The following SERPIND1 variants were observed in gnomAD, a reference collection of about 807,000 sequenced individuals.
The protein encoded by SERPIND1 is serpin family D member 1, also known as heparin cofactor 2.
Under a neutral mutation model 35.0 loss-of-function variants are expected in SERPIND1, and 34 were observed. That is an observed-to-expected ratio of 0.97 (90% confidence interval 0.74 to 1.29). SERPIND1 has a LOEUF of 1.29. SERPIND1 is among the 50% of genes most tolerant of loss of function. SERPIND1 has a pLI of 0.00. For synonymous variants in SERPIND1, 236 were observed against 241.1 expected, an observed-to-expected ratio of 0.98 and a Z score of 0.19; for missense variants, 633 against 637.7, an observed-to-expected ratio of 0.99 and a Z score of 0.08.
intron 2 of SERPIND1, among the ~76,000 whole-genome samples, chr22:20,781,876 T>C (rs187882965): frequency 1.3e-5 from 2 of 152,330 alleles, no homozygotes; most frequent in African/African-American, 2.4e-5. Flanking sequence ...TCAGTTTCCT[T>C]ATCTTTATCA....
intron 2 of SERPIND1, among the ~76,000 whole-genome samples, chr22:20,781,029 T>C (rs936044795): frequency 3.3e-5 from 5 of 152,224 alleles, no homozygotes; most frequent in East Asian, 1.9e-4. Context: ...GCAGCTGACA[T>C]TGACACCTAC....
rs1290569315 is a variant in SERPIND1 at position 20,787,274 on chromosome 22, A to G, written c.*208A>G. 6.6e-6 allele frequency: 4 copies of G among 602,190 alleles called. No homozygotes were observed. The highest frequency in any genetic ancestry group is 8.9e-6 in the Non-Finnish European group (3 of 337,134). 37.3% of individuals were successfully genotyped at this position (602,190 alleles called of 1,614,324 possible). On this transcript the variant is annotated 3_prime_UTR_variant, in exon 5 of 5. Transcript: ENST00000215727. ...ACAATAGCCCATGCTGTAAGCTCATAGAAGTCACTGTAACTGTAGTGTGTC... is the reference window on the plus strand; with the variant it reads ...ACAATAGCCCATGCTGTAAGCTCATGGAAGTCACTGTAACTGTAGTGTGTC...
At chr22:20,778,264 GCT>G (rs1362381544) in intron 1 of SERPIND1, among the ~76,000 whole-genome samples, 5 of 152,122 alleles carry the variant, frequency 3.3e-5, no homozygotes, top group African/African-American at 1.2e-4. Context: ...ACTTTGGGGG[GCT>G]GAGGTGGGTG....
intron 1 of SERPIND1, among the ~76,000 whole-genome samples, chr22:20,774,831 G>C (rs1480908991): frequency 1.3e-5 from 2 of 151,880 alleles, no homozygotes; most frequent in African/African-American, 4.8e-5. Flanking sequence ...ACTCTCAAAT[G>C]GTCTAGAAGA....
At chr22:20,781,727 G>A (rs1294380914) in intron 2 of SERPIND1, among the ~76,000 whole-genome samples, 3 of 152,238 alleles carry the variant, frequency 2.0e-5, no homozygotes, top group South Asian at 4.1e-4. Context: ...GAGACCACAT[G>A]TACATGATGA....
In SERPIND1 at chr22:20,777,956, A is replaced by G. The variant is rs193048902; in HGVS notation, c.-16-1341A>G. Among the ~76,000 whole-genome samples, 259 of 152,300 alleles carry G rather than the reference A, an allele frequency of 1.7e-3. 2 individuals are homozygous for G. Among genetic ancestry groups the G allele is most frequent in the African/African-American group, 6.0e-3 (249 of 41,562 alleles). On this transcript the variant is annotated intron_variant, in intron 1 of 4. Transcript: ENST00000215727. Reference sequence around the variant, plus strand: ...TACTTAAATAAAGGGAGTGCCCCTCAGGTCTTGAGTAAGAGCTTGCTGACA... The same window carrying G: ...TACTTAAATAAAGGGAGTGCCCCTCGGGTCTTGAGTAAGAGCTTGCTGACA...
At chr22:20,784,374 C>A in intron 3 of SERPIND1, 129 bp downstream of exon 3, 3 of 1,253,916 alleles carry the variant, frequency 2.4e-6, no homozygotes, top group South Asian at 1.3e-5. Context: ...CCATACAGGG[C>A]CACTCTGTTA....
At chr22:20,778,541 C>T (rs1461068024) in intron 1 of SERPIND1, among the ~76,000 whole-genome samples, 2 of 151,980 alleles carry the variant, frequency 1.3e-5, no homozygotes, top group African/African-American at 4.8e-5. Flanking sequence ...ACAACAACAA[C>T]AACAAAAAAA....
rs763160949 is a variant in SERPIND1 at position 20,786,025 on chromosome 22, G to A, written c.1185G>A (p.Pro395=). 9.3e-6 allele frequency: 15 copies of A among 1,614,014 alleles called. No individual in the cohort carries two copies. Among genetic ancestry groups the A allele is most frequent in the Admixed American group, 3.3e-5 (2 of 60,004 alleles). The change falls in exon 4 of 5, where the codon CCG becomes CCA. Residue 395 remains proline, a synonymous_variant. Transcript: ENST00000215727. The part of the protein sequence containing the change: ...MTNRTREVLL[P]KFKLEKNYNL... ...CTAGAACTCGAGAAGTGCTTCTGCC[G>A]AAATTCAAGCTGGAGAAGAACTACA...
At position 20,786,892 on chromosome 22, in the gene SERPIND1, G is replaced by T; in HGVS notation, c.1326G>T (p.Thr442=). The T allele has an allele frequency of 6.2e-7, 1 of 1,614,148 alleles. No homozygotes were observed. Among genetic ancestry groups the T allele is most frequent in the Non-Finnish European group, 8.5e-7 (1 of 1,180,034 alleles). Residue 442 remains threonine (T), a synonymous_variant, in exon 5 of 5, where the codon ACG becomes ACT. Transcript: ENST00000215727. ...CCAAACAGTTCAAGCACCAAGGCACGATCACAGTGAACGAGGAAGGCACCC... is the reference window on the plus strand; with the variant it reads ...CCAAACAGTTCAAGCACCAAGGCACTATCACAGTGAACGAGGAAGGCACCC... ...IAIDLFKHQG[T]ITVNEEGTQA...
At chr22:20,786,300 C>A (rs749918730) in intron 4 of SERPIND1, 152 bp downstream of exon 4, 24 of 879,912 alleles carry the variant, frequency 2.7e-5, no homozygotes, top group Non-Finnish European at 4.2e-5. Context: ...ACACAGAATG[C>A]CTAGTTTCAT....
intron 1 of SERPIND1, among the ~76,000 whole-genome samples, chr22:20,774,634 G>A (rs1181751649): frequency 4.6e-5 from 7 of 151,964 alleles, no homozygotes; most frequent in South Asian, 2.1e-4. Context: ...GGTGGCACGC[G>A]CCTGTAATCC....
In SERPIND1 at chr22:20,779,321, C is replaced by G; in HGVS notation, c.9C>G (p.His3Gln). Residue 3 changes from histidine (H) to glutamine (Q), a missense_variant, in exon 2 of 5, where the codon CAC becomes CAG. By Grantham distance (24) the His-to-Gln change is conservative (BLOSUM62 0). Transcript: ENST00000215727. MK[H>Q]SLNALLIFLI... ...GCTTTAGCTCCGCCAAAATGAAACACTCATTAAACGCACTTCTCATTTTCC... is the reference window on the plus strand; with the variant it reads ...GCTTTAGCTCCGCCAAAATGAAACAGTCATTAAACGCACTTCTCATTTTCC... 3 of 1,614,200 alleles carry G rather than the reference C, an allele frequency of 1.9e-6. No homozygotes were observed. Among genetic ancestry groups the G allele is most frequent in the Non-Finnish European group, 2.5e-6 (3 of 1,180,044 alleles).
chr22:20,774,711 A>C (rs1933114594), intron 1 of SERPIND1, among the ~76,000 whole-genome samples: 1 of 151,088 alleles, frequency 6.6e-6, no homozygotes, highest in Admixed American at 6.6e-5. Context: ...CAGTGAGCGG[A>C]GATCGTGCCA....
chr22:20,774,691 G>T (rs990604259), intron 1 of SERPIND1, among the ~76,000 whole-genome samples: 2 of 151,550 alleles, frequency 1.3e-5, no homozygotes, highest in African/African-American at 4.9e-5. Flanking sequence ...AACCCGGGAG[G>T]CAGAGGTTGC....
chr22:20,774,234 G>T (rs962326061), intron 1 of SERPIND1, 89 bp downstream of exon 1: 1 of 152,188 alleles, frequency 6.6e-6, no homozygotes, highest in Admixed American at 6.5e-5. Flanking sequence ...AGCAAACTAA[G>T]AATTCAGAAG....
At chr22:20,785,954 T>G (rs1356431598) in intron 3 of SERPIND1, 50 bp from the exon 4 acceptor site, 1 of 1,613,360 alleles carries the variant, frequency 6.2e-7, no homozygotes, top group Admixed American at 1.7e-5. Context: ...ATGATTCTTT[T>G]GTAACTTGTG....
Position 20,786,163 on chromosome 22 carries a change from G to A in SERPIND1, c.1308+15G>A, listed in dbSNP as rs1370677763. 2 of 1,613,570 alleles carry A rather than the reference G, an allele frequency of 1.2e-6. No homozygotes were observed. The highest frequency in any genetic ancestry group is 1.7e-6 in the Non-Finnish European group (2 of 1,179,884). ...CCATCGACCTGGTAACCACTCCCTT[G>A]TCCACCCCCGACCCGTCCCCAGGGT... On this transcript the variant is annotated intron_variant, in intron 4 of 4. Coordinates refer to ENST00000215727, the MANE Select transcript of SERPIND1 (RefSeq NM_000185.4).
chr22:20,778,576 T>C (rs994764980), intron 1 of SERPIND1, among the ~76,000 whole-genome samples: 2 of 152,050 alleles, frequency 1.3e-5, no homozygotes, highest in Non-Finnish European at 2.9e-5. Context: ...ACCCCAAAGA[T>C]TGCACAAATT....
Sources: gnomAD v4.1 joint callset for allele counts (sites outside exome capture counted in the v4.1 genomes callset) on GRCh38, gnomAD v4.1.1 for gene constraint, MANE v1.5 for transcripts, NCBI Gene and HGNC (gene_info 2026-07-23, HGNC 2026-07-21) for gene names.